The following MGAT5 variants were observed in gnomAD, a reference collection of about 807,000 sequenced individuals.
MGAT5 encodes alpha-1,6-mannosylglycoprotein 6-beta-N-acetylglucosaminyltransferase A.
MGAT5 carries 30 observed loss-of-function variants against 94.3 expected under a neutral mutation model. That is an observed-to-expected ratio of 0.32 (90% CI 0.24 to 0.43). The LOEUF (loss-of-function observed/expected upper bound fraction) is 0.43, where lower values mean the gene tolerates loss of function less well. Among genes scored for constraint, MGAT5 ranks in the 20% least tolerant of loss-of-function variants. MGAT5 has a pLI of 1.00. For missense variants in MGAT5, 691 were observed against 905.5 expected, an observed-to-expected ratio of 0.76 and a Z score of 3.04; for synonymous variants, 310 against 322.9, an observed-to-expected ratio of 0.96 and a Z score of 0.43.
chr2:134,336,118 T>C (rs758750546), intron 4 of MGAT5, 99 bp from the exon 5 acceptor site: 1 of 874,650 alleles, frequency 1.1e-6, no homozygotes, highest in Non-Finnish European at 1.8e-6. Context: ...CATATTAATA[T>C]AGTGCTAGTT....
intron 10 of MGAT5, among the ~76,000 whole-genome samples, chr2:134,393,526 T>C (rs1228304286): frequency 1.3e-5 from 2 of 152,156 alleles, no homozygotes; most frequent in Admixed American, 1.3e-4. Flanking sequence ...TATGTCTTAT[T>C]TGGAGTCTGT....
intron 1 of MGAT5, among the ~76,000 whole-genome samples, chr2:134,171,718 C>T (rs934865481): frequency 4.6e-5 from 7 of 152,260 alleles, no homozygotes; most frequent in Admixed American, 2.0e-4. Flanking sequence ...AACTTAAAAC[C>T]GTCCTTGTCC....
chr2:134,269,673 G>A (rs1053594875), intron 1 of MGAT5, among the ~76,000 whole-genome samples: 2 of 152,176 alleles, frequency 1.3e-5, no homozygotes, highest in African/African-American at 4.8e-5. Context: ...AGAGGGAAGT[G>A]CAGTACTCTT....
intron 2 of MGAT5, among the ~76,000 whole-genome samples, chr2:134,316,835 T>G (rs1165755651): frequency 2.6e-5 from 4 of 152,202 alleles, no homozygotes; most frequent in Admixed American, 6.5e-5. Context: ...GACCCTTAGC[T>G]TCTCAAAGGC....
At chr2:134,160,211 T>C (rs1687666447) in intron 1 of MGAT5, among the ~76,000 whole-genome samples, 1 of 152,200 alleles carries the variant, frequency 6.6e-6, no homozygotes, top group African/African-American at 2.4e-5. Context: ...TCTCGTTCTG[T>C]TGTCCAGGCT....
intron 1 of MGAT5, among the ~76,000 whole-genome samples, chr2:134,129,963 A>G (rs1297766296): frequency 6.6e-6 from 1 of 152,170 alleles, no homozygotes; most frequent in Non-Finnish European, 1.5e-5. Context: ...GGCGGGAACC[A>G]GGGCTGCAGC....
At chr2:134,420,444 T>A (rs1468558363) in intron 12 of MGAT5, among the ~76,000 whole-genome samples, 1 of 152,160 alleles carries the variant, frequency 6.6e-6, no homozygotes, top group Non-Finnish European at 1.5e-5. Context: ...GGGCTGCTGC[T>A]GGATAGAGGC....
intron 11 of MGAT5, among the ~76,000 whole-genome samples, chr2:134,407,077 A>T (rs1683383389): frequency 1.3e-5 from 2 of 152,148 alleles, no homozygotes; most frequent in South Asian, 4.1e-4. Context: ...ACCATCTGGG[A>T]TCTCTGAGAT....
At chr2:134,188,361 C>T (rs926681962) in intron 1 of MGAT5, among the ~76,000 whole-genome samples, 3 of 152,172 alleles carry the variant, frequency 2.0e-5, no homozygotes, top group Admixed American at 2.0e-4. Flanking sequence ...TTCTTTGAAT[C>T]CTGGCCCCTC....
At chr2:134,382,240 A>G (rs1681673898) in intron 10 of MGAT5, among the ~76,000 whole-genome samples, 1 of 151,986 alleles carries the variant, frequency 6.6e-6, no homozygotes, top group Non-Finnish European at 1.5e-5. Context: ...GGGCAACAGC[A>G]ATACCCTGTC....
At chr2:134,323,276 G>A (rs1050866967) in intron 4 of MGAT5, among the ~76,000 whole-genome samples, 1 of 152,120 alleles carries the variant, frequency 6.6e-6, no homozygotes, top group Non-Finnish European at 1.5e-5. Flanking sequence ...AAAGCTGAGT[G>A]GTTGCCTTTC....
At chr2:134,183,044 C>A (rs1273545676) in intron 1 of MGAT5, among the ~76,000 whole-genome samples, 1 of 152,134 alleles carries the variant, frequency 6.6e-6, no homozygotes, top group Non-Finnish European at 1.5e-5. Flanking sequence ...CCCGCCTCGG[C>A]CTCCCAAAGT....
intron 2 of MGAT5, among the ~76,000 whole-genome samples, chr2:134,298,563 A>G (rs1685831055): frequency 6.6e-6 from 1 of 152,210 alleles, no homozygotes; most frequent in Non-Finnish European, 1.5e-5. Flanking sequence ...CACCATGCGG[A>G]TCATATTCTG....
chr2:134,257,116 T>C (rs1209279288), intron 1 of MGAT5, among the ~76,000 whole-genome samples: 1 of 152,244 alleles, frequency 6.6e-6, no homozygotes, highest in Non-Finnish European at 1.5e-5. Context: ...TCTTTAGATA[T>C]GTGATAATTA....
intron 10 of MGAT5, among the ~76,000 whole-genome samples, chr2:134,379,086 T>C (rs927009507): frequency 9.9e-5 from 15 of 152,218 alleles, no homozygotes; most frequent in Admixed American, 9.8e-4. Flanking sequence ...GTCTCAGGCC[T>C]TCTGGCTTTT....
intron 1 of MGAT5, among the ~76,000 whole-genome samples, chr2:134,228,185 G>T (rs948021099): frequency 2.0e-5 from 3 of 152,180 alleles, no homozygotes; most frequent in African/African-American, 7.2e-5. Flanking sequence ...TGATGAGTGT[G>T]TGACTGTGTG....
At chr2:134,120,509 C>G (rs13416816) in intron 1 of MGAT5, among the ~76,000 whole-genome samples, 11,374 of 151,688 alleles carry the variant, frequency 0.075, 601 homozygotes, top group African/African-American at 0.16. Flanking sequence ...GGAGTGGAGC[C>G]GGGAGACGCG....
intron 1 of MGAT5, among the ~76,000 whole-genome samples, chr2:134,194,847 C>T (rs548010372): frequency 6.6e-6 from 1 of 152,292 alleles, no homozygotes; most frequent in Admixed American, 6.5e-5. Flanking sequence ...TGCGCCCCTT[C>T]TTGATATTTG....
At chr2:134,125,338 G>A (rs796724054) in intron 1 of MGAT5, among the ~76,000 whole-genome samples, 83 of 152,340 alleles carry the variant, frequency 5.4e-4, no homozygotes, top group African/African-American at 1.9e-3. Context: ...AGGATTTGAA[G>A]CCAGGTGGTC....
Sources: allele counts gnomAD v4.1 joint callset (sites outside exome capture counted in the v4.1 genomes callset), GRCh38; gene constraint gnomAD v4.1.1; transcripts MANE v1.5; gene names NCBI Gene and HGNC (gene_info 2026-07-23, HGNC 2026-07-21).